The following DOCK10 variants were observed in gnomAD, a reference collection of about 807,000 sequenced individuals.
DOCK10 encodes the protein dedicator of cytokinesis 10.
A neutral mutation model predicts 280.1 loss-of-function variants in DOCK10; 145 were observed. The ratio of observed to expected loss-of-function variants is 0.52; its 90% CI spans 0.45 to 0.59. The LOEUF is 0.59. DOCK10 is among the 20% of genes least tolerant of loss of function. The probability of loss-of-function intolerance (pLI) is 0.00; values close to 1 mark genes in which losing one functional copy is unlikely to be tolerated. For missense variants in DOCK10, 2,368 were observed against 2,651.7 expected, an observed-to-expected ratio of 0.89 and a Z score of 2.35; for synonymous variants, 915 against 942.2, an observed-to-expected ratio of 0.97 and a Z score of 0.53.
At chr2:224,902,962 G>A (rs985072772) in intron 3 of DOCK10, among the ~76,000 whole-genome samples, 5 of 152,020 alleles carry the variant, frequency 3.3e-5, no homozygotes, top group Non-Finnish European at 7.3e-5. Flanking sequence ...GCCGGTTGTG[G>A]TGGCAGGCGC....
In DOCK10 at chr2:224,840,046, A is replaced by G. The variant is rs752014169; in HGVS notation, c.2688T>C (p.His896=). 1.3e-6 allele frequency: 2 copies of G among 1,554,180 alleles called. No homozygotes were observed. The highest frequency in any genetic ancestry group is 1.9e-5 in the Admixed American group (1 of 52,708). ...TTATAGGCAGAAAACTCATGATTGC[A>G]TGAATCTTTTCCACATTCAATAAGT... ...CKNLLNVEKI[H]AIMSFLPIIL... Residue 896 remains histidine (H), a synonymous_variant, in exon 24 of 56, where the codon CAT becomes CAC. Coordinates refer to ENST00000258390, the MANE Select transcript of DOCK10 (RefSeq NM_014689.3).
At chr2:224,926,773 C>T (rs1702066356) in intron 2 of DOCK10, among the ~76,000 whole-genome samples, 1 of 152,156 alleles carries the variant, frequency 6.6e-6, no homozygotes, top group African/African-American at 2.4e-5. Flanking sequence ...CCTTTTGGTT[C>T]CTCAAGGTAC....
chr2:224,925,793 C>A (rs988816487), intron 2 of DOCK10, among the ~76,000 whole-genome samples: 2 of 152,174 alleles, frequency 1.3e-5, no homozygotes, highest in African/African-American at 4.8e-5. Flanking sequence ...CTTTCTACAT[C>A]TTTTGCTCAG....
chr2:225,019,150 G>C (rs1164220967), intron 1 of DOCK10, among the ~76,000 whole-genome samples: 1 of 151,994 alleles, frequency 6.6e-6, no homozygotes, highest in Non-Finnish European at 1.5e-5. Flanking sequence ...CTCATGGGTT[G>C]GGTCGCAGTG....
intron 3 of DOCK10, among the ~76,000 whole-genome samples, chr2:224,911,872 G>A (rs1164359080): frequency 6.6e-6 from 1 of 152,142 alleles, no homozygotes; most frequent in African/African-American, 2.4e-5. Flanking sequence ...ACTGATAATG[G>A]ACTATGTTTG....
At chr2:225,020,161 TAAGTG>T (rs1208746079) in intron 1 of DOCK10, among the ~76,000 whole-genome samples, 1 of 152,132 alleles carries the variant, frequency 6.6e-6, no homozygotes, top group African/African-American at 2.4e-5. Flanking sequence ...TAATGGTTCA[TAAGTG>T]AATAGTCTTG....
intron 1 of DOCK10, among the ~76,000 whole-genome samples, chr2:225,041,183 G>A (rs188523948): frequency 1.3e-5 from 2 of 152,262 alleles, no homozygotes; most frequent in Admixed American, 6.5e-5. Flanking sequence ...AGCTTTTGGC[G>A]CCCTCCTCAT....
chr2:225,000,577 G>A (rs570259913), intron 1 of DOCK10, among the ~76,000 whole-genome samples: 4 of 152,106 alleles, frequency 2.6e-5, no homozygotes, highest in Non-Finnish European at 4.4e-5. Flanking sequence ...AGGTGTCTAC[G>A]CCAACAGTAG....
intron 1 of DOCK10, among the ~76,000 whole-genome samples, chr2:224,954,656 GACA>G (rs949915189): frequency 6.6e-6 from 1 of 152,060 alleles, no homozygotes; most frequent in Non-Finnish European, 1.5e-5. Flanking sequence ...TAATGACAAT[GACA>G]ACAACAAAAA....
chr2:224,978,278 C>CA (rs1482624019), intron 1 of DOCK10, among the ~76,000 whole-genome samples: 6 of 151,920 alleles, frequency 3.9e-5, no homozygotes, highest in Non-Finnish European at 8.8e-5. Flanking sequence ...ATTAAAAATA[C>CA]AAAAAATTAG....
At chr2:224,981,210 CT>C (rs1287955369) in intron 1 of DOCK10, among the ~76,000 whole-genome samples, 1 of 152,042 alleles carries the variant, frequency 6.6e-6, no homozygotes, top group Non-Finnish European at 1.5e-5. Context: ...TCACAGCCCC[CT>C]AGTTCAAGAA....
intron 8 of DOCK10, among the ~76,000 whole-genome samples, chr2:224,875,309 A>G (rs1698552434): frequency 6.6e-6 from 1 of 152,194 alleles, no homozygotes; most frequent in Non-Finnish European, 1.5e-5. Flanking sequence ...CCTGAGACTT[A>G]GACTAGGGGA....
chr2:224,805,205 C>T lies in DOCK10; in HGVS notation c.4051+1G>A, dbSNP rs768815267. ...CAAAAAAATTAAAGAATTCTCTTTA[C>T]CGTACGAAATCGTTTTCATAATGTG... On this transcript the variant is annotated splice_donor_variant, in intron 36 of 55. Transcript: ENST00000258390. LOFTEE classifies it high-confidence loss of function. The surrounding 1 kb of genome is among the most constrained non-coding windows in gnomAD (Gnocchi z 4.3). The T allele has an allele frequency of 8.7e-6, 14 of 1,608,092 alleles. No homozygotes were observed. The highest frequency in any genetic ancestry group is 1.2e-5 in the Non-Finnish European group (14 of 1,177,632).
rs1553622560 is a variant in DOCK10, at chr2:224,957,291, C to CCA, written c.124-25624_124-25623insTG. 1.4e-4 allele frequency among the ~76,000 whole-genome samples: 21 copies of CCA among 146,188 alleles called. 3 individuals carry two copies. Among genetic ancestry groups the CCA allele is most frequent in the Non-Finnish European group, 2.6e-4 (17 of 66,658 alleles). On this transcript the variant is annotated intron_variant, in intron 1 of 55. Coordinates refer to ENST00000258390, the MANE Select transcript of DOCK10 (RefSeq NM_014689.3). ...TATTTAGTTTTTACTTTCCGCCCCC[C>CCA]CCCGGCTTTGTTTTTCGGAGATGGG...
chr2:225,041,145 G>A (rs1266666159), intron 1 of DOCK10, among the ~76,000 whole-genome samples: 1 of 152,170 alleles, frequency 6.6e-6, no homozygotes, highest in Non-Finnish European at 1.5e-5. Flanking sequence ...TTAGAGAATA[G>A]TCCTGGCTGT....
At chr2:224,961,418 CTTTCTTTCTT>C (rs1232179604) in intron 1 of DOCK10, among the ~76,000 whole-genome samples, 16 of 100,250 alleles carry the variant, frequency 1.6e-4, no homozygotes, top group African/African-American at 6.3e-4. Context: ...CTTTCTCTTT[CTTTCTTTCTT>C]TCTTTCTTTC....
chr2:224,830,782 C>T (rs1243479499), intron 26 of DOCK10, among the ~76,000 whole-genome samples, 170 bp from the exon 27 acceptor site: 1 of 152,004 alleles, frequency 6.6e-6, no homozygotes, highest in East Asian at 1.9e-4. Flanking sequence ...TGATTTTTAT[C>T]TCAATCCTCT....
At chr2:225,034,272 G>C (rs1690163071) in intron 1 of DOCK10, among the ~76,000 whole-genome samples, 1 of 152,160 alleles carries the variant, frequency 6.6e-6, no homozygotes, top group Non-Finnish European at 1.5e-5. Flanking sequence ...TTGTGACTCT[G>C]GATTCACTAT....
At position 224,892,452 on chromosome 2, in the gene DOCK10, A is replaced by C. The variant is rs548387144; in HGVS notation, c.416+3843T>G. Reference sequence around the variant, plus strand: ...GAAAGAAAAGAAAAGAAAAGAAAAAAATCGAAGAGGAGAAAGAGGAGAAGA... The same window carrying C: ...GAAAGAAAAGAAAAGAAAAGAAAAACATCGAAGAGGAGAAAGAGGAGAAGA... On this transcript the variant is annotated intron_variant, in intron 4 of 55. Transcript: ENST00000258390. Among the ~76,000 whole-genome samples, 15 of 151,950 alleles carry C rather than the reference A, an allele frequency of 9.9e-5. No homozygotes were observed. In the South Asian group the frequency reaches 2.9e-3, roughly 30 times the overall value.
Sources: allele counts gnomAD v4.1 joint callset (sites outside exome capture counted in the v4.1 genomes callset), GRCh38; gene constraint gnomAD v4.1.1; non-coding constraint Gnocchi (gnomAD v3.1); transcripts MANE v1.5; gene names NCBI Gene and HGNC (gene_info 2026-07-23, HGNC 2026-07-21).